GPC5: variants seen among roughly 807,000 people sequenced by gnomAD.
GPC5 encodes the protein glypican 5.
Under a neutral mutation model 53.9 loss-of-function variants are expected in GPC5, and 47 were observed. The ratio of observed to expected loss-of-function variants is 0.87; its 90% confidence interval spans 0.69 to 1.11. GPC5 has a LOEUF of 1.11. Among genes scored for constraint, GPC5 ranks in the 50% most tolerant of loss-of-function variants. GPC5 has a pLI of 0.00. For synonymous variants in GPC5, 286 were observed against 263.3 expected (o/e 1.09, Z -0.84); for missense variants, 748 against 713.1 (o/e 1.05, Z -0.56).
intron 7 of GPC5, among the ~76,000 whole-genome samples, chr13:92,245,897 T>G (rs1330272321): frequency 2.6e-5 from 4 of 152,116 alleles, no homozygotes; most frequent in Non-Finnish European, 4.4e-5. Context: ...ATTTTTTTGG[T>G]AATTGTCTTA....
At chr13:92,693,116 A>G (rs944151776) in intron 7 of GPC5, among the ~76,000 whole-genome samples, 1 of 152,068 alleles carries the variant, frequency 6.6e-6, no homozygotes, top group Non-Finnish European at 1.5e-5. Context: ...CCATGATTGT[A>G]AGTTTCCTGA....
intron 7 of GPC5, among the ~76,000 whole-genome samples, chr13:92,262,733 A>G (rs1235856005): frequency 6.6e-6 from 1 of 152,212 alleles, no homozygotes; most frequent in Non-Finnish European, 1.5e-5. Context: ...ATACAGAGTT[A>G]TTCAAACACA....
chr13:92,533,627 C>T (rs1189619144), intron 7 of GPC5, among the ~76,000 whole-genome samples: 1 of 152,126 alleles, frequency 6.6e-6, no homozygotes, highest in African/African-American at 2.4e-5. Flanking sequence ...GGCAGAAACT[C>T]AAGCCCCATA....
intron 7 of GPC5, among the ~76,000 whole-genome samples, chr13:92,147,956 T>C (rs2041880571): frequency 6.6e-6 from 1 of 152,110 alleles, no homozygotes; most frequent in African/African-American, 2.4e-5. Flanking sequence ...GGCATAGTTT[T>C]AGATGGTCTT....
At chr13:91,567,985 G>A (rs1014365859) in intron 2 of GPC5, among the ~76,000 whole-genome samples, 4 of 152,098 alleles carry the variant, frequency 2.6e-5, no homozygotes, top group Admixed American at 6.6e-5. Context: ...GAGTTCTCAC[G>A]AGATCTGATG....
chr13:92,490,175 G>A (rs957789546), intron 7 of GPC5: 4 of 154,250 alleles, frequency 2.6e-5, no homozygotes, highest in African/African-American at 7.2e-5. Context: ...AAGTAATTGC[G>A]GGTTTTGCCG....
rs1032590748 is a variant in GPC5, at chr13:92,219,465, C to T, written c.1561+74476C>T. The stretch of plus-strand genomic sequence containing the variant: ...GCAGGGAAGCTAAGGCCGATTCGCA[C>T]TGGCTTCCTAGAACGAAATCAAAAG... On this transcript the variant is annotated intron_variant, in intron 7 of 7. Transcript: ENST00000377067. Among the ~76,000 whole-genome samples the T allele has an allele frequency of 3.9e-5, 6 of 152,270 alleles. No individual in the cohort carries two copies. The East Asian group carries it at 5.8e-4, about 15-fold the overall frequency.
At chr13:92,582,233 A>G (rs1883395962) in intron 7 of GPC5, among the ~76,000 whole-genome samples, 1 of 152,132 alleles carries the variant, frequency 6.6e-6, no homozygotes, top group African/African-American at 2.4e-5. Flanking sequence ...TTGGTGTAAT[A>G]CAAAAGTTGA....
chr13:91,618,056 A>T (rs1363122211), intron 2 of GPC5, among the ~76,000 whole-genome samples: 1 of 152,108 alleles, frequency 6.6e-6, no homozygotes, highest in Non-Finnish European at 1.5e-5. Context: ...ATAAACAGGA[A>T]GGCTAGATTT....
chr13:92,817,960 A>G (rs1481280659), intron 7 of GPC5, among the ~76,000 whole-genome samples: 2 of 151,592 alleles, frequency 1.3e-5, no homozygotes, highest in East Asian at 3.9e-4. Flanking sequence ...TTTCTACAAA[A>G]CTTTCCACCT....
At chr13:91,847,192 C>A (rs1594614116) in intron 5 of GPC5, among the ~76,000 whole-genome samples, 2 of 144,660 alleles carry the variant, frequency 1.4e-5, no homozygotes, top group African/African-American at 2.6e-5. Context: ...GCACTCCAAG[C>A]CTGGGCGACA....
chr13:91,946,973 G>A (rs1431945444), intron 6 of GPC5, among the ~76,000 whole-genome samples: 2 of 151,756 alleles, frequency 1.3e-5, no homozygotes, highest in Non-Finnish European at 2.9e-5. Context: ...GTCTTACTTT[G>A]TGCTATTGTT....
intron 5 of GPC5, among the ~76,000 whole-genome samples, chr13:91,828,355 G>A (rs200086565): frequency 2.9e-5 from 2 of 67,830 alleles, no homozygotes; most frequent in South Asian, 1.3e-3. Context: ...AGATAGGTAG[G>A]TAGGTAGGTA....
chr13:91,540,019 A>G lies in GPC5; in HGVS notation c.325+91097A>G, dbSNP rs143314951. 7.4e-4 allele frequency among the ~76,000 whole-genome samples: 112 copies of G among 152,356 alleles called. 1 individual carries two copies. Among genetic ancestry groups the G allele is most frequent in the Non-Finnish European group, 1.4e-3 (96 of 68,020 alleles). ...TTAACATAGAGGCACTAATAAAGCA[A>G]CAAAAATTTTAAAATGTATGTCTTG... On this transcript the variant is annotated intron_variant, in intron 2 of 7. Coordinates refer to ENST00000377067, the MANE Select transcript of GPC5 (RefSeq NM_004466.6).
chr13:92,665,960 G>T (rs1259656734), intron 7 of GPC5, among the ~76,000 whole-genome samples: 1 of 152,148 alleles, frequency 6.6e-6, no homozygotes. Flanking sequence ...AAGTGCAAAT[G>T]CCCTGTGATA....
intron 7 of GPC5, among the ~76,000 whole-genome samples, chr13:92,645,736 G>T (rs1171086839): frequency 6.6e-6 from 1 of 151,990 alleles, no homozygotes; most frequent in Non-Finnish European, 1.5e-5. Context: ...TGCAATAAAT[G>T]ATATTTCCTT....
At chr13:91,887,138 C>A (rs1328663917) in intron 5 of GPC5, among the ~76,000 whole-genome samples, 4 of 152,126 alleles carry the variant, frequency 2.6e-5, no homozygotes, top group Non-Finnish European at 5.9e-5. Flanking sequence ...AGGTGGAGGT[C>A]CCCAAACCTC....
intron 7 of GPC5, among the ~76,000 whole-genome samples, chr13:92,559,124 G>A (rs1421058504): frequency 7.0e-6 from 1 of 143,550 alleles, no homozygotes; most frequent in African/African-American, 2.6e-5. Context: ...TGAACTACAG[G>A]AGCATACATC....
intron 2 of GPC5, among the ~76,000 whole-genome samples, chr13:91,631,535 G>T (rs2034158099): frequency 6.6e-6 from 1 of 152,038 alleles, no homozygotes; most frequent in South Asian, 2.1e-4. Flanking sequence ...TAGTGCTTTG[G>T]TTAAAAAATA....
Sources: gnomAD v4.1 joint callset for allele counts (sites outside exome capture counted in the v4.1 genomes callset) on GRCh38, gnomAD v4.1.1 for gene constraint, MANE v1.5 for transcripts, NCBI Gene and HGNC (gene_info 2026-07-23, HGNC 2026-07-21) for gene names.